The following PRKAR1A variants were observed in gnomAD, a reference collection of about 807,000 sequenced individuals.
The protein encoded by PRKAR1A is protein kinase cAMP-dependent type I regulatory subunit alpha.
A neutral mutation model predicts 52.0 loss-of-function variants in PRKAR1A; 3 were observed. That is an observed-to-expected ratio of 0.06 (90% CI 0.03 to 0.15). PRKAR1A has a LOEUF of 0.15. Ranked by LOEUF, PRKAR1A falls within the 10% of genes least tolerant of loss-of-function variation. The probability of loss-of-function intolerance (pLI) is 1.00; values close to 1 mark genes in which losing one functional copy is unlikely to be tolerated. For synonymous variants in PRKAR1A, 188 were observed against 168.4 expected (o/e 1.12, Z -0.90); for missense variants, 240 against 477.4 (o/e 0.50, Z 4.63).
In PRKAR1A at chr17:68,532,760, A is replaced by G; in HGVS notation, c.*2311A>G. ...GTAATAAAAAGAGATGAAATAATTT[A>G]AATTCTTAAATGAATCAGTTTTTCT... On this transcript the variant is annotated 3_prime_UTR_variant, in exon 11 of 11. Transcript: ENST00000589228. 2 of 1,066,328 alleles carry G rather than the reference A, an allele frequency of 1.9e-6. No homozygotes were observed. Among genetic ancestry groups the G allele is most frequent in the African/African-American group, 3.3e-5 (2 of 61,234 alleles). 66.1% of individuals were successfully genotyped at this position (1,066,328 alleles called of 1,614,324 possible). A position where few individuals can be genotyped will look rare whatever the true frequency, so the allele number is the denominator to read the frequency against.
chr17:68,429,051 C>G, the PRKAR1A span: 3 of 736,004 alleles, frequency 4.1e-6, no homozygotes, highest in Non-Finnish European at 7.0e-6. Flanking sequence ...TTTGACAAAC[C>G]CTTAGCCCAC....
At chr17:68,489,780 T>G in the PRKAR1A span, among the ~76,000 whole-genome samples, 1 of 152,008 alleles carries the variant, frequency 6.6e-6, no homozygotes, top group Admixed American at 6.6e-5. Context: ...GGTCTCGAAC[T>G]CCTGACCTCA....
upstream of PRKAR1A, among the ~76,000 whole-genome samples, chr17:68,509,611 G>A (rs576003282): frequency 2.0e-5 from 3 of 152,306 alleles, no homozygotes; most frequent in South Asian, 6.2e-4. Flanking sequence ...AACTACAGTG[G>A]AACAAATGTC....
At chr17:68,438,166 G>A in the PRKAR1A span, among the ~76,000 whole-genome samples, 1 of 152,226 alleles carries the variant, frequency 6.6e-6, no homozygotes, top group African/African-American at 2.4e-5. Context: ...TCCACAGCAG[G>A]GCTGTCCTCT....
the PRKAR1A span, among the ~76,000 whole-genome samples, chr17:68,468,689 G>A: frequency 0.01 from 1,556 of 152,242 alleles, 31 homozygotes; most frequent in African/African-American, 0.035. Context: ...CCAAAAACAT[G>A]ACTGAATGTT....
intron 11 of PRKAR1A, among the ~76,000 whole-genome samples, chr17:68,548,723 ATATTTTT>A (rs1221952850): frequency 4.2e-5 from 5 of 118,018 alleles, no homozygotes; most frequent in Middle Eastern, 4.2e-3. Context: ...CTATGCCTGT[ATATTTTT>A]TTTTTTTTTT....
intron 10 of PRKAR1A, 119 bp downstream of exon 10, chr17:68,530,120 T>G (rs1457619141): frequency 6.7e-7 from 1 of 1,483,230 alleles, no homozygotes; most frequent in East Asian, 2.3e-5. Flanking sequence ...TGCAGTCTTT[T>G]TTGGCTCTGA....
chr17:68,477,422 G>A, the PRKAR1A span, among the ~76,000 whole-genome samples: 40 of 152,268 alleles, frequency 2.6e-4, no homozygotes, highest in Middle Eastern at 3.4e-3. Flanking sequence ...CAATCTTAAT[G>A]TCATAGTCTG....
rs2085939789 is a variant in PRKAR1A, at chr17:68,530,358, G to A, written c.1055G>A (p.Arg352Gln). 1 of 1,614,102 alleles carries A rather than the reference G, an allele frequency of 6.2e-7. No individual in the cohort carries two copies. The highest frequency in any genetic ancestry group is 8.5e-7 in the Non-Finnish European group (1 of 1,179,986). Residue 352 changes from arginine (R) to glutamine (Q), a missense_variant, in exon 11 of 11, where the codon CGA becomes CAA. Arg to Gln is a conservative substitution (Grantham distance 43, BLOSUM62 1). Transcript: ENST00000589228. ...RGPLKCVKLD[R>Q]PRFERVLGPC... ...CCCTTGAAGTGCGTTAAGCTGGACC[G>A]ACCTAGATTTGAACGTGTTCTTGGC...
the PRKAR1A span, among the ~76,000 whole-genome samples, chr17:68,474,752 G>T: frequency 1.3e-5 from 2 of 152,172 alleles, no homozygotes; most frequent in Admixed American, 1.3e-4. Context: ...AAAATTAGCT[G>T]GGCGTGGTGG....
chr17:68,530,562 C>T lies in PRKAR1A; in HGVS notation c.*113C>T. ...AAGTGGCCACTGGCATCGCAGCTTC[C>T]TGTCTGTTTATATATTGAAAGTTGC... On this transcript the variant is annotated 3_prime_UTR_variant, in exon 11 of 11. Coordinates refer to ENST00000589228, the MANE Select transcript of PRKAR1A (RefSeq NM_002734.5). 6.3e-7 allele frequency: 1 copy of T among 1,591,068 alleles called. No homozygotes were observed. Among genetic ancestry groups the T allele is most frequent in the Non-Finnish European group, 8.6e-7 (1 of 1,169,562 alleles).
chr17:68,450,944 A>G, the PRKAR1A span: 34 of 1,576,304 alleles, frequency 2.2e-5, 2 homozygotes, highest in Admixed American at 5.8e-4. Context: ...ATCACTTCCA[A>G]GAAGGATTCC....
chr17:68,453,857 A>G, the PRKAR1A span, among the ~76,000 whole-genome samples: 1 of 152,166 alleles, frequency 6.6e-6, no homozygotes, highest in South Asian at 2.1e-4. Flanking sequence ...TTCCAGAAAA[A>G]TGTCCTGATA....
chr17:68,497,778 T>C, the PRKAR1A span, among the ~76,000 whole-genome samples: 2 of 151,898 alleles, frequency 1.3e-5, no homozygotes, highest in Non-Finnish European at 1.5e-5. Flanking sequence ...CCCAGGGAGG[T>C]TGACTCCTGA....
the PRKAR1A span, chr17:68,433,431 C>T: frequency 1.4e-5 from 22 of 1,574,582 alleles, no homozygotes; most frequent in Non-Finnish European, 1.8e-5. Context: ...TGACTCCTTT[C>T]GTTTAATGAG....
At chr17:68,547,545 T>C (rs889762825) in intron 11 of PRKAR1A, among the ~76,000 whole-genome samples, 6 of 152,240 alleles carry the variant, frequency 3.9e-5, no homozygotes, top group African/African-American at 9.6e-5. Context: ...CACTTACTGC[T>C]TCACCTTGTA....
downstream of PRKAR1A, among the ~76,000 whole-genome samples, chr17:68,538,361 G>A (rs1283828436): frequency 6.6e-6 from 1 of 152,320 alleles, no homozygotes; most frequent in East Asian, 1.9e-4. Context: ...GAGGCCAGAG[G>A]GAAGCATGTT....
upstream of PRKAR1A, among the ~76,000 whole-genome samples, chr17:68,510,644 C>A (rs2085251802): frequency 6.6e-6 from 1 of 152,158 alleles, no homozygotes; most frequent in South Asian, 2.1e-4. Flanking sequence ...GTTTATCAAC[C>A]CTTCTTTGTA....
the PRKAR1A span, chr17:68,444,615 T>C: frequency 6.3e-7 from 1 of 1,591,840 alleles, no homozygotes; most frequent in African/African-American, 1.3e-5. Context: ...CTTATCAGTC[T>C]ACCGAACCGT....
Sources: allele counts gnomAD v4.1 joint callset (sites outside exome capture counted in the v4.1 genomes callset), GRCh38; gene constraint gnomAD v4.1.1; transcripts MANE v1.5; gene names NCBI Gene and HGNC (gene_info 2026-07-23, HGNC 2026-07-21).